The following RHBDF2 variants were observed in gnomAD, a reference collection of about 807,000 sequenced individuals.
RHBDF2 encodes the protein inactive rhomboid protein 2.
RHBDF2 carries 38 observed loss-of-function variants against 95.2 expected under a neutral mutation model. That is an observed-to-expected ratio of 0.40 (90% confidence interval 0.31 to 0.52). RHBDF2 has a LOEUF of 0.52. Ranked by LOEUF, RHBDF2 falls within the 20% of genes least tolerant of loss-of-function variation. The probability of loss-of-function intolerance (pLI) is 0.56; values close to 1 mark genes in which losing one functional copy is unlikely to be tolerated. For missense variants in RHBDF2, 863 were observed against 1,137.7 expected, an observed-to-expected ratio of 0.76 and a Z score of 3.47; for synonymous variants, 442 against 462.0, an observed-to-expected ratio of 0.96 and a Z score of 0.55.
At chr17:76,476,665 C>T in intron 9 of RHBDF2, 165 bp downstream of exon 9, 1 of 1,080,426 alleles carries the variant, frequency 9.3e-7, no homozygotes, top group East Asian at 2.6e-5. Flanking sequence ...AGGTCATGTG[C>T]ACAACCCTTG....
intron 6 of RHBDF2, among the ~76,000 whole-genome samples, chr17:76,478,148 T>C (rs1485177757): frequency 2.0e-5 from 3 of 152,218 alleles, no homozygotes; most frequent in African/African-American, 7.2e-5. Context: ...CCCTGTTTCT[T>C]GGCACGGAAT....
chr17:76,488,215 T>C (rs2144329456), intron 1 of RHBDF2: 1 of 152,208 alleles, frequency 6.6e-6, no homozygotes, highest in Non-Finnish European at 1.5e-5. Context: ...ACATTTAACT[T>C]TCGGCCAGGG....
chr17:76,484,502 A>G (rs767791420), intron 2 of RHBDF2, among the ~76,000 whole-genome samples: 5 of 151,318 alleles, frequency 3.3e-5, no homozygotes, highest in Non-Finnish European at 7.4e-5. Context: ...CACCTCCACC[A>G]TCTCCACCTC....
At chr17:76,472,873 G>A in intron 17 of RHBDF2, 34 bp from the exon 18 acceptor site, 1 of 1,576,436 alleles carries the variant, frequency 6.3e-7, no homozygotes, top group Non-Finnish European at 8.6e-7. Flanking sequence ...GCGGCCTTCA[G>A]CCAGGCACTT....
Position 76,477,642 on chromosome 17 carries a change from A to G in RHBDF2, c.801+15T>C, listed in dbSNP as rs2073815948. On this transcript the variant is annotated intron_variant, in intron 7 of 18. Coordinates refer to ENST00000675367, the MANE Select transcript of RHBDF2 (RefSeq NM_001005498.4). Reference sequence around the variant, plus strand: ...CACCCCACCCAACTCCTGCTGTCCCACACCCCATGCTTGCCTTACTAAAAA... The same window carrying G: ...CACCCCACCCAACTCCTGCTGTCCCGCACCCCATGCTTGCCTTACTAAAAA... 1.2e-6 allele frequency: 2 copies of G among 1,613,362 alleles called. No homozygotes were observed. Among genetic ancestry groups the G allele is most frequent in the African/African-American group, 2.7e-5 (2 of 74,874 alleles).
At chr17:76,492,256 C>T (rs1285795274) in intron 1 of RHBDF2, among the ~76,000 whole-genome samples, 1 of 152,120 alleles carries the variant, frequency 6.6e-6, no homozygotes, top group Non-Finnish European at 1.5e-5. Flanking sequence ...CCCCAGGTCC[C>T]ATGGGTTGAG....
chr17:76,472,594 C>T (rs541574039), intron 18 of RHBDF2, 92 bp downstream of exon 18: 82 of 1,525,460 alleles, frequency 5.4e-5, no homozygotes, highest in South Asian at 9.0e-5. Flanking sequence ...GGAGGGGCAC[C>T]GTGTCCCTCT....
At chr17:76,490,150 A>T (rs1160784201) in intron 1 of RHBDF2, among the ~76,000 whole-genome samples, 1 of 152,210 alleles carries the variant, frequency 6.6e-6, no homozygotes, top group African/African-American at 2.4e-5. Context: ...TATTTGGGAC[A>T]TTTGGGGAGC....
At chr17:76,493,578 T>A (rs2074360924) in intron 1 of RHBDF2, among the ~76,000 whole-genome samples, 1 of 151,948 alleles carries the variant, frequency 6.6e-6, no homozygotes, top group South Asian at 2.1e-4. Context: ...CGGCGTGAGC[T>A]CCACCGGCAG....
chr17:76,483,566 T>C (rs957553070), intron 2 of RHBDF2, among the ~76,000 whole-genome samples: 2 of 152,208 alleles, frequency 1.3e-5, no homozygotes, highest in African/African-American at 4.8e-5. Flanking sequence ...ATTACAGGTT[T>C]CAGCCACCAC....
chr17:76,481,060 G>A (rs1277280639), intron 3 of RHBDF2, among the ~76,000 whole-genome samples: 1 of 152,200 alleles, frequency 6.6e-6, no homozygotes, highest in Non-Finnish European at 1.5e-5. Context: ...GCCCTCAGAA[G>A]AGAGACTGAG....
At chr17:76,485,975 A>G (rs9892550) in intron 2 of RHBDF2, among the ~76,000 whole-genome samples, 90,520 of 151,440 alleles carry the variant, frequency 0.6, 27,522 homozygotes, top group Middle Eastern at 0.75. Context: ...GGGACTGGGC[A>G]GGGGGTGACA....
chr17:76,497,303 G>T (rs1259862715), intron 1 of RHBDF2, among the ~76,000 whole-genome samples: 1 of 152,056 alleles, frequency 6.6e-6, no homozygotes, highest in Non-Finnish European at 1.5e-5. Flanking sequence ...TCCATGAGCT[G>T]CCCCCCACCC....
At chr17:76,475,217 G>T in intron 9 of RHBDF2, 76 bp from the exon 10 acceptor site, 2 of 1,044,616 alleles carry the variant, frequency 1.9e-6, no homozygotes, top group Non-Finnish European at 2.9e-6. Context: ...GGCCACCCTG[G>T]CCTGGTCACA....
At chr17:76,492,203 G>A (rs928156795) in intron 1 of RHBDF2, among the ~76,000 whole-genome samples, 2 of 152,146 alleles carry the variant, frequency 1.3e-5, no homozygotes, top group South Asian at 2.1e-4. Flanking sequence ...AGGGTGGGGC[G>A]GGGGAAATCC....
At chr17:76,472,521 G>T in intron 18 of RHBDF2, 165 bp downstream of exon 18, 2 of 837,852 alleles carry the variant, frequency 2.4e-6, no homozygotes, top group Non-Finnish European at 3.9e-6. Context: ...CCTCTCACTG[G>T]GATTAAGAGA....
At chr17:76,474,942 T>G in intron 10 of RHBDF2, 88 bp downstream of exon 10, 12 of 1,471,136 alleles carry the variant, frequency 8.2e-6, no homozygotes, top group African/African-American at 1.4e-5. Context: ...GGGGCCAGAT[T>G]GTTGCGGTGG....
intron 2 of RHBDF2, among the ~76,000 whole-genome samples, chr17:76,485,544 C>A (rs2074102013): frequency 1.0e-5 from 1 of 95,602 alleles, no homozygotes; most frequent in Admixed American, 9.3e-5. Context: ...CGAGATCTCG[C>A]CACTGCACTC....
At chr17:76,476,536 T>C (rs2073777432) in intron 9 of RHBDF2, 1 of 380,944 alleles carries the variant, frequency 2.6e-6, no homozygotes, top group South Asian at 3.8e-5. Flanking sequence ...TTTTAGGGCC[T>C]GCAGGCAGTG....
Sources: allele counts gnomAD v4.1 joint callset (sites outside exome capture counted in the v4.1 genomes callset), GRCh38; gene constraint gnomAD v4.1.1; transcripts MANE v1.5; gene names NCBI Gene and HGNC (gene_info 2026-07-23, HGNC 2026-07-21).